Variants in PARG observed in about 807,000 individuals in gnomAD.
PARG encodes the protein mitochondrial poly(ADP-ribose) glycohydrolase.
PARG carries 35 observed loss-of-function variants against 113.0 expected under a neutral mutation model. The ratio of observed to expected loss-of-function variants is 0.31; its 90% confidence interval spans 0.24 to 0.41. The LOEUF is 0.41. Among genes scored for constraint, PARG ranks in the 10% least tolerant of loss-of-function variants. PARG has a pLI of 1.00. For synonymous variants in PARG, 330 were observed against 409.9 expected (o/e 0.81, Z 2.36); for missense variants, 797 against 1,169.4 (o/e 0.68, Z 4.64).
chr10:49,832,868 T>G lies in PARG; in HGVS notation c.2582A>C (p.Asn861Thr). Reference sequence around the variant, plus strand: ...GTTTCCTGTGGCCACTGCAGAAAGATTCTCTGAAGAAACTCCAGGACGGAG... The same window carrying G: ...GTTTCCTGTGGCCACTGCAGAAAGAGTCTCTGAAGAAACTCCAGGACGGAG... Reference protein sequence around the residue: ...GFLRPGVSSENLSAVATGNWG... With the variant: ...GFLRPGVSSETLSAVATGNWG... The change falls in exon 16 of 18, where the codon AAT becomes ACT. Residue 861 changes from asparagine to threonine, a missense_variant. By Grantham distance (65) the Asn-to-Thr change is moderately conservative (BLOSUM62 0). Around this residue, in one of 5 missense-constraint regions of PARG, gnomAD observed 194 missense variants for 247.1 expected, o/e 0.79. Transcript: ENST00000616448. 1.3e-6 allele frequency: 2 copies of G among 1,550,892 alleles called. No homozygotes were observed. Among genetic ancestry groups the G allele is most frequent in the Non-Finnish European group, 1.7e-6 (2 of 1,146,344 alleles).
chr10:49,942,012 T>C lies in PARG; in HGVS notation c.-287A>G, dbSNP rs1839121303. 1.0e-6 allele frequency: 1 copy of C among 998,404 alleles called. No homozygotes were observed. Among genetic ancestry groups the C allele is most frequent in the African/African-American group, 1.6e-5 (1 of 61,468 alleles). The allele number at this position is 998,404 out of a possible 1,614,324, so 61.8% of individuals were successfully genotyped here. ...AAAGCTGCCGTCAGGCGCTTCCGGC[T>C]TCCGGGGCGCACACTGCCGCAAAGC... On this transcript the variant is annotated 5_prime_UTR_variant, in exon 1 of 18. Coordinates refer to ENST00000616448, the MANE Select transcript of PARG (RefSeq NM_003631.5).
intron 7 of PARG, among the ~76,000 whole-genome samples, chr10:49,905,654 C>T (rs1848549794): frequency 6.6e-6 from 1 of 152,250 alleles, no homozygotes; most frequent in Non-Finnish European, 1.5e-5. Flanking sequence ...TACATTCCCC[C>T]ACCTTAACTA....
At chr10:49,901,876 G>C (rs1848361618) in intron 7 of PARG, among the ~76,000 whole-genome samples, 1 of 152,124 alleles carries the variant, frequency 6.6e-6, no homozygotes, top group African/African-American at 2.4e-5. Context: ...GGATCCTTAG[G>C]GATGACCTAG....
At chr10:49,906,804 T>C (rs1181524679) in intron 7 of PARG, among the ~76,000 whole-genome samples, 1 of 152,098 alleles carries the variant, frequency 6.6e-6, no homozygotes, top group Non-Finnish European at 1.5e-5. Flanking sequence ...ACAGGGAGGA[T>C]CTTGTAGAAG....
intron 7 of PARG, among the ~76,000 whole-genome samples, chr10:49,888,609 A>G (rs1448656737): frequency 6.6e-6 from 1 of 152,204 alleles, no homozygotes; most frequent in Non-Finnish European, 1.5e-5. Context: ...TTTTCTGTAT[A>G]GGCATTGTGT....
chr10:49,936,881 T>C (rs1838771535), intron 1 of PARG, among the ~76,000 whole-genome samples: 3 of 152,324 alleles, frequency 2.0e-5, no homozygotes, highest in South Asian at 2.1e-4. Flanking sequence ...AATTGCTATA[T>C]AATCTTTACC....
intron 13 of PARG, among the ~76,000 whole-genome samples, chr10:49,847,254 G>C (rs1175079397): frequency 6.6e-6 from 1 of 152,202 alleles, no homozygotes; most frequent in Non-Finnish European, 1.5e-5. Flanking sequence ...GGTTTGATGA[G>C]GACAAGATGT....
chr10:49,845,238 C>G (rs1176827000), intron 13 of PARG, among the ~76,000 whole-genome samples: 13 of 152,106 alleles, frequency 8.5e-5, no homozygotes, highest in Admixed American at 8.5e-4. Flanking sequence ...ATACACGTAA[C>G]CTTTGACCTA....
intron 13 of PARG, among the ~76,000 whole-genome samples, chr10:49,847,482 C>T (rs2573389): frequency 5.3e-5 from 8 of 152,002 alleles, no homozygotes; most frequent in South Asian, 2.1e-4. Context: ...ATGAATAACC[C>T]GAACCTAATT....
chr10:49,843,717 G>T, intron 13 of PARG, 85 bp from the exon 14 acceptor site: 1 of 881,778 alleles, frequency 1.1e-6, no homozygotes, highest in Non-Finnish European at 1.9e-6. Flanking sequence ...AATAACTTCT[G>T]TTTAGCACTG....
rs1838609464 is a variant in PARG, at chr10:49,933,767, C to G, written c.681G>C (p.Gln227His). The G allele has an allele frequency of 6.2e-7, 1 of 1,613,498 alleles. No individual in the cohort carries two copies. Among genetic ancestry groups the G allele is most frequent in the Non-Finnish European group, 8.5e-7 (1 of 1,179,470 alleles). ...ANAKQTTEDE[Q>H]AREAKSHQKC... ...TCTGGTGGCTTTTGGCTTCTCTGGC[C>G]TGTTCATCTTCTGTAGTCTGCTTTG... Residue 227 changes from glutamine (Q) to histidine (H), a missense_variant, in exon 3 of 18, where the codon CAG (glutamine) becomes CAC (histidine). Coordinates refer to ENST00000616448, the MANE Select transcript of PARG (RefSeq NM_003631.5).
chr10:49,927,523 T>C (rs1255488510), intron 4 of PARG, among the ~76,000 whole-genome samples: 3 of 151,710 alleles, frequency 2.0e-5, no homozygotes, highest in Non-Finnish European at 4.4e-5. Flanking sequence ...TGAAAAAGGC[T>C]TGAGGAACTC....
In PARG at chr10:49,883,174, A is replaced by G. The variant is rs2573503; in HGVS notation, c.1830+2029T>C. Among the ~76,000 whole-genome samples, 70 of 152,090 alleles carry G rather than the reference A, an allele frequency of 4.6e-4. 1 individual carries two copies. The highest frequency in any genetic ancestry group is 3.7e-3 in the East Asian group (19 of 5,178). On this transcript the variant is annotated intron_variant, in intron 8 of 17. Coordinates refer to ENST00000616448, the MANE Select transcript of PARG (RefSeq NM_003631.5). ...TCTCAACTGAAGGTGGCATAGTCCA[A>G]GAAGGCATTTGGACATGTATGCGTT...
At chr10:49,902,948 T>G (rs147631532) in intron 7 of PARG, among the ~76,000 whole-genome samples, 28,738 of 151,676 alleles carry the variant, frequency 0.19, 3,366 homozygotes, top group East Asian at 0.32. Context: ...TTCTCCTGCC[T>G]CAGCCTCCAG....
Position 49,935,146 on chromosome 10 carries a change from T to TAA in PARG, c.218-6_218-5dup. On this transcript the variant is annotated splice_region_variant and splice_polypyrimidine_tract_variant and intron_variant, in intron 1 of 17. Coordinates refer to ENST00000616448, the MANE Select transcript of PARG (RefSeq NM_003631.5). ...GTAATAGTCTTTTGTTTGAAAACTATAAAAAAAAATGTATATTCATACATT... is the reference window on the plus strand; with the variant it reads ...GTAATAGTCTTTTGTTTGAAAACTATAAAAAAAAAAATGTATATTCATACATT... The TAA allele has an allele frequency of 1.4e-6, 1 of 729,230 alleles. No homozygotes were observed. The highest frequency in any genetic ancestry group is 1.6e-5 in the South Asian group (1 of 62,206). The allele number at this position is 729,230 out of a possible 1,614,324, so 45.2% of individuals were successfully genotyped here. A position where few individuals can be genotyped will look rare whatever the true frequency, so the allele number is the denominator to read the frequency against.
intron 4 of PARG, among the ~76,000 whole-genome samples, chr10:49,925,407 G>A (rs1838100583): frequency 6.6e-6 from 1 of 152,096 alleles, no homozygotes; most frequent in Admixed American, 6.5e-5. Context: ...TTGCCAAGCA[G>A]AGAATCTATG....
At chr10:49,850,263 G>A (rs1315599271) in intron 13 of PARG, among the ~76,000 whole-genome samples, 3 of 140,958 alleles carry the variant, frequency 2.1e-5, no homozygotes, top group Non-Finnish European at 3.0e-5. Context: ...ATTAGGAAAC[G>A]TGAGAAACTC....
intron 9 of PARG, among the ~76,000 whole-genome samples, chr10:49,878,734 A>G (rs540841014): frequency 1.3e-5 from 2 of 152,044 alleles, no homozygotes; most frequent in South Asian, 4.2e-4. Context: ...TTTATCTCCT[A>G]CTCTGCATAC....
At chr10:49,864,355 ATTTC>A (rs1271107555) in intron 11 of PARG, among the ~76,000 whole-genome samples, 1 of 152,022 alleles carries the variant, frequency 6.6e-6, no homozygotes, top group African/African-American at 2.4e-5. Flanking sequence ...TCTGAAGTAA[ATTTC>A]TTTATCTTTC....
Sources: gnomAD v4.1 joint callset for allele counts (sites outside exome capture counted in the v4.1 genomes callset) on GRCh38, gnomAD v4.1.1 for gene constraint, gnomAD v4.1.1 regional missense constraint, MANE v1.5 for transcripts, NCBI Gene and HGNC (gene_info 2026-07-23, HGNC 2026-07-21) for gene names.